The following TSNAX variants were observed in gnomAD, a reference collection of about 807,000 sequenced individuals.
The protein encoded by TSNAX is translin associated factor X.
A neutral mutation model predicts 33.0 loss-of-function variants in TSNAX; 12 were observed. That is an observed-to-expected ratio of 0.36 (90% CI 0.23 to 0.59). The LOEUF (loss-of-function observed/expected upper bound fraction) is 0.59. Ranked by LOEUF, TSNAX falls within the 20% of genes least tolerant of loss-of-function variation. TSNAX has a pLI of 0.74. For missense variants in TSNAX, 267 were observed against 341.3 expected (o/e 0.78, Z 1.72); for synonymous variants, 110 against 117.2 (o/e 0.94, Z 0.40).
chr1:231,547,389 CTTT>C (rs71179784), intron 4 of TSNAX, among the ~76,000 whole-genome samples: 1 of 104,690 alleles, frequency 9.6e-6, no homozygotes, highest in Non-Finnish European at 1.9e-5. Flanking sequence ...TTTTTTTTTT[CTTT>C]TTTTTTTTTT....
At position 231,564,911 on chromosome 1, in the gene TSNAX, A is replaced by C. The variant is rs901458461; in HGVS notation, c.*6A>C. On this transcript the variant is annotated 3_prime_UTR_variant, in exon 6 of 6. Coordinates refer to ENST00000366639, the MANE Select transcript of TSNAX (RefSeq NM_005999.3). ...AAGAAGAGGGCATTTCTTAGAATCTAACGTTACTCAGTTACTAATTCTTTT... is the reference window on the plus strand; with the variant it reads ...AAGAAGAGGGCATTTCTTAGAATCTCACGTTACTCAGTTACTAATTCTTTT... 2 of 1,608,692 alleles carry C rather than the reference A, an allele frequency of 1.2e-6. No individual in the cohort carries two copies. The highest frequency in any genetic ancestry group is 1.7e-6 in the Non-Finnish European group (2 of 1,176,522).
intron 3 of TSNAX, among the ~76,000 whole-genome samples, chr1:231,538,171 TTAC>T (rs1659311815): frequency 6.6e-6 from 1 of 152,226 alleles, no homozygotes. Context: ...CTCTAGGACT[TTAC>T]TATTTTATTT....
rs865856928 is a variant in TSNAX, at chr1:231,560,404, T to C, written c.368-724T>C. Among the ~76,000 whole-genome samples, 124 of 76,982 alleles carry C rather than the reference T, an allele frequency of 1.6e-3. 2 individuals carry two copies. The highest frequency in any genetic ancestry group is 6.5e-3 in the African/African-American group (119 of 18,402). The allele number at this position is 76,982 out of a possible 152,430, so 50.5% of individuals were successfully genotyped here. On this transcript the variant is annotated intron_variant, in intron 4 of 5. Coordinates refer to ENST00000366639, the MANE Select transcript of TSNAX (RefSeq NM_005999.3). The stretch of plus-strand genomic sequence containing the variant: ...AAAATTATGGAATAGGCTTTTCTTT[T>C]CTCCCCCCCCCCCCTTTTTTTTTTT...
intron 3 of TSNAX, among the ~76,000 whole-genome samples, chr1:231,541,914 T>G (rs569296385): frequency 2.0e-5 from 3 of 152,268 alleles, no homozygotes; most frequent in African/African-American, 7.2e-5. Context: ...TTCTCCTCAT[T>G]GTTACTCTGC....
chr1:231,564,905 G>A lies in TSNAX; in HGVS notation c.873G>A (p.Ter291=), dbSNP rs770892476. Residue 291 remains the stop codon, a stop_retained_variant, in exon 6 of 6, where the codon TAG becomes TAA. Coordinates refer to ENST00000366639, the MANE Select transcript of TSNAX (RefSeq NM_005999.3). ...TAGATCAAGAAGAGGGCATTTCTTA[G>A]AATCTAACGTTACTCAGTTACTAAT... ...EMIDQEEGIS[*] The A allele has an allele frequency of 6.2e-7, 1 of 1,611,474 alleles. No homozygotes were observed. The highest frequency in any genetic ancestry group is 1.7e-5 in the Admixed American group (1 of 59,830).
chr1:231,541,442 G>A (rs150855852), intron 3 of TSNAX, among the ~76,000 whole-genome samples: 2,340 of 152,172 alleles, frequency 0.015, 64 homozygotes, highest in African/African-American at 0.053. Flanking sequence ...ATCATTTCGC[G>A]TATGGTATAA....
At chr1:231,547,914 C>T (rs1296159749) in intron 4 of TSNAX, among the ~76,000 whole-genome samples, 2 of 144,884 alleles carry the variant, frequency 1.4e-5, no homozygotes. Flanking sequence ...GATCTTGGCT[C>T]GCTGCAAGCT....
intron 4 of TSNAX, among the ~76,000 whole-genome samples, chr1:231,553,732 G>T (rs1239551511): frequency 6.6e-6 from 1 of 150,414 alleles, no homozygotes; most frequent in Admixed American, 6.6e-5. Flanking sequence ...TGTTGCCCAG[G>T]GTGGAGTGCA....
At chr1:231,555,125 T>C (rs557316111) in intron 4 of TSNAX, among the ~76,000 whole-genome samples, 1 of 152,322 alleles carries the variant, frequency 6.6e-6, no homozygotes, top group South Asian at 2.1e-4. Context: ...ACAGCAGCAT[T>C]ACTTAGAAAA....
At chr1:231,542,317 A>G (rs1659627686) in intron 3 of TSNAX, 164 bp from the exon 4 acceptor site, 6 of 663,192 alleles carry the variant, frequency 9.0e-6, no homozygotes, top group Admixed American at 7.2e-5. Context: ...CAGTGTGTTA[A>G]TAACATTTTC....
At chr1:231,563,250 C>A (rs750383296) in intron 5 of TSNAX, among the ~76,000 whole-genome samples, 1 of 152,120 alleles carries the variant, frequency 6.6e-6, no homozygotes, top group Non-Finnish European at 1.5e-5. Flanking sequence ...TTATACATAC[C>A]GTCTTTTAAT....
At chr1:231,542,442 C>G (rs1367575300) in intron 3 of TSNAX, 39 bp from the exon 4 acceptor site, 20 of 1,607,470 alleles carry the variant, frequency 1.2e-5, no homozygotes, top group Non-Finnish European at 1.6e-5. Context: ...ACTGTTAAAG[C>G]ATCTGATGTT....
chr1:231,537,734 C>A (rs1408429239), intron 3 of TSNAX, among the ~76,000 whole-genome samples: 3 of 142,560 alleles, frequency 2.1e-5, no homozygotes, highest in Admixed American at 7.0e-5. Context: ...AAGCCAGACC[C>A]TGTCTCAAAA....
Position 231,532,131 on chromosome 1 carries a change from AACACACACACACACACAC to A in TSNAX, c.121+2810_121+2827del, listed in dbSNP as rs745744924. Among the ~76,000 whole-genome samples, 182 of 85,176 alleles carry A rather than the reference AACACACACACACACACAC, an allele frequency of 2.1e-3. 1 individual carries two copies. The highest frequency in any genetic ancestry group is 5.0e-3 in the African/African-American group (102 of 20,232). 55.9% of individuals were successfully genotyped at this position (85,176 alleles called of 152,430 possible). ...CGTTAATTAGCTTAATAGTGGTAAT[AACACACACACACACACAC>A]ACACACACACACACACACACACACA... On this transcript the variant is annotated intron_variant, in intron 2 of 5. Transcript: ENST00000366639.
chr1:231,559,158 T>C (rs1660876745), intron 4 of TSNAX, among the ~76,000 whole-genome samples: 1 of 152,126 alleles, frequency 6.6e-6, no homozygotes, highest in Non-Finnish European at 1.5e-5. Context: ...GTTCTGAGTT[T>C]TCTTTGCATA....
intron 4 of TSNAX, among the ~76,000 whole-genome samples, chr1:231,546,314 C>T (rs1659910412): frequency 6.6e-6 from 1 of 152,162 alleles, no homozygotes; most frequent in Non-Finnish European, 1.5e-5. Context: ...TTTGCTTTCA[C>T]AAGTTTATAT....
intron 4 of TSNAX, among the ~76,000 whole-genome samples, chr1:231,555,169 A>G (rs879848041): frequency 3.3e-5 from 5 of 152,226 alleles, no homozygotes; most frequent in South Asian, 2.1e-4. Flanking sequence ...TTGTCTCTCT[A>G]TAGATGAGTG....
intron 4 of TSNAX, among the ~76,000 whole-genome samples, chr1:231,546,200 A>G (rs1004889466): frequency 1.3e-5 from 2 of 152,220 alleles, no homozygotes; most frequent in Non-Finnish European, 2.9e-5. Context: ...TATATCCCAG[A>G]CACCTAATAA....
chr1:231,563,115 C>G (rs1331135481), intron 5 of TSNAX, among the ~76,000 whole-genome samples: 2 of 152,150 alleles, frequency 1.3e-5, no homozygotes. Flanking sequence ...TATGTAACTT[C>G]CTTTAAACTT....
Sources: allele counts gnomAD v4.1 joint callset (sites outside exome capture counted in the v4.1 genomes callset), GRCh38; gene constraint gnomAD v4.1.1; transcripts MANE v1.5; gene names NCBI Gene and HGNC (gene_info 2026-07-23, HGNC 2026-07-21).